Variants in UGT3A2 observed in about 807,000 individuals in gnomAD.
UGT3A2 encodes UDP-glycosyltransferase 3A2.
In UGT3A2, 32 loss-of-function variants were observed where a neutral mutation model predicts 39.8. That is an observed-to-expected ratio of 0.80 (90% confidence interval 0.61 to 1.08). The LOEUF is 1.08. Among genes scored for constraint, UGT3A2 ranks in the 50% least tolerant of loss-of-function variants. The pLI is 0.00. For missense variants in UGT3A2, 611 were observed against 637.1 expected, an observed-to-expected ratio of 0.96 and a Z score of 0.44; for synonymous variants, 241 against 230.7, an observed-to-expected ratio of 1.04 and a Z score of -0.40.
chr5:36,038,463 G>A (rs1741901903), intron 5 of UGT3A2, among the ~76,000 whole-genome samples: 1 of 151,978 alleles, frequency 6.6e-6, no homozygotes. Context: ...TGACATATTT[G>A]TTGACATCAC....
At chr5:36,056,332 G>T (rs1742510932) in intron 2 of UGT3A2, among the ~76,000 whole-genome samples, 1 of 152,204 alleles carries the variant, frequency 6.6e-6, no homozygotes, top group African/African-American at 2.4e-5. Flanking sequence ...TTTCTCCAGG[G>T]TATAAAACCC....
chr5:36,050,723 A>G (rs1168096422), intron 3 of UGT3A2, among the ~76,000 whole-genome samples: 3 of 152,220 alleles, frequency 2.0e-5, no homozygotes, highest in East Asian at 1.9e-4. Flanking sequence ...TTAGCTGGGC[A>G]TGGTGGCACA....
intron 4 of UGT3A2, among the ~76,000 whole-genome samples, chr5:36,042,184 A>G (rs1281812253): frequency 1.3e-5 from 2 of 152,094 alleles, no homozygotes; most frequent in Non-Finnish European, 2.9e-5. Context: ...GTGAGCTTCG[A>G]CAATATAATA....
At chr5:36,064,642 C>T (rs1350837482) in intron 1 of UGT3A2, among the ~76,000 whole-genome samples, 1 of 152,178 alleles carries the variant, frequency 6.6e-6, no homozygotes, top group African/African-American at 2.4e-5. Context: ...GGGAGTTCCT[C>T]ATCCTGAGGT....
chr5:36,041,123 C>A (rs62354166), intron 4 of UGT3A2, among the ~76,000 whole-genome samples: 28,771 of 151,702 alleles, frequency 0.19, 3,429 homozygotes, highest in Non-Finnish European at 0.25. Context: ...CAAAAGCCCT[C>A]GGGCCTAAAA....
chr5:36,038,011 G>C lies in UGT3A2; in HGVS notation c.1081C>G (p.Pro361Ala), dbSNP rs761947299. Residue 361 changes from proline (P) to alanine (A), a missense_variant, in exon 6 of 7, where the codon CCA becomes GCA. Coordinates refer to ENST00000282507, the MANE Select transcript of UGT3A2 (RefSeq NM_174914.4). ...TGGGTGACAAACAGACGGATGCTTG[G>C]GTGAGCTGTTGTAAATAAGAAAGAG... is the stretch of plus-strand genomic sequence containing the variant. ...WLPQSDLLAH[P>A]SIRLFVTHGG... The C allele has an allele frequency of 6.9e-6, 11 of 1,591,602 alleles. No individual in the cohort carries two copies. Among genetic ancestry groups the C allele is most frequent in the Admixed American group, 1.8e-5 (1 of 54,538 alleles).
At chr5:36,052,123 GTTTA>G (rs1581009875) in intron 2 of UGT3A2, 139 bp from the exon 3 acceptor site, 11 of 610,128 alleles carry the variant, frequency 1.8e-5, no homozygotes, top group South Asian at 6.9e-5. Flanking sequence ...TAATGTATGC[GTTTA>G]TTTATTTTTG....
chr5:36,037,160 G>A (rs1317336999), intron 6 of UGT3A2, among the ~76,000 whole-genome samples: 1 of 152,168 alleles, frequency 6.6e-6, no homozygotes, highest in African/African-American at 2.4e-5. Flanking sequence ...CAGCTACTCG[G>A]GAGGCTGAAT....
At chr5:36,042,093 G>T (rs1311809143) in intron 4 of UGT3A2, among the ~76,000 whole-genome samples, 1 of 151,976 alleles carries the variant, frequency 6.6e-6, no homozygotes, top group African/African-American at 2.4e-5. Context: ...AGAAATTCTG[G>T]AGTTGAAAAT....
At position 36,066,527 on chromosome 5, in the gene UGT3A2, G is replaced by T. The variant is rs549318137; in HGVS notation, c.94+169C>A. Among the ~76,000 whole-genome samples the T allele has an allele frequency of 2.0e-5, 3 of 152,268 alleles. No homozygotes were observed. In the South Asian group the frequency reaches 6.2e-4, roughly 32 times the overall value. On this transcript the variant is annotated intron_variant, in intron 1 of 6. Transcript: ENST00000282507. The stretch of plus-strand genomic sequence containing the variant: ...TTTCTTCCCCACCTCAGCAATAGAG[G>T]CCCCTCTCTGCCCCACAGCTGAATG...
In UGT3A2 at chr5:36,049,173, A is replaced by G; in HGVS notation, c.559T>C (p.Phe187Leu). ...LPIPLSYVPV[F>L]RSLLTDHMDF... ...ATGTGATCAGTCAGCAAGGAACGGA[A>G]TACTGGAACATAAGACAAGGGGATT... Residue 187 changes from phenylalanine (F) to leucine (L), a missense_variant, in exon 4 of 7, where the codon TTC becomes CTC. By Grantham distance (22) the Phe-to-Leu change is conservative (BLOSUM62 0). Transcript: ENST00000282507. The G allele has an allele frequency of 6.2e-7, 1 of 1,614,226 alleles. No individual in the cohort carries two copies. Among genetic ancestry groups the G allele is most frequent in the Non-Finnish European group, 8.5e-7 (1 of 1,180,042 alleles).
At chr5:36,056,140 G>A (rs543964226) in intron 2 of UGT3A2, among the ~76,000 whole-genome samples, 1 of 152,262 alleles carries the variant, frequency 6.6e-6, no homozygotes, top group East Asian at 1.9e-4. Flanking sequence ...AGTTCTCAGG[G>A]TGGCCTTGGG....
chr5:36,047,891 G>A (rs190452408), intron 4 of UGT3A2, among the ~76,000 whole-genome samples: 11 of 152,226 alleles, frequency 7.2e-5, no homozygotes, highest in African/African-American at 1.4e-4. Context: ...ACATCTCCAC[G>A]TATTGGGACC....
At chr5:36,056,477 G>C (rs1287263) in intron 2 of UGT3A2, among the ~76,000 whole-genome samples, 110,200 of 152,122 alleles carry the variant, frequency 0.72, 40,798 homozygotes, top group Non-Finnish European at 0.8. Flanking sequence ...TGGTTGCTGC[G>C]CACGTGCAAG....
chr5:36,064,892 A>C (rs1742831246), intron 1 of UGT3A2, among the ~76,000 whole-genome samples: 1 of 152,212 alleles, frequency 6.6e-6, no homozygotes, highest in South Asian at 2.1e-4. Flanking sequence ...ACTACTTAGA[A>C]TCCAAATCCT....
At chr5:36,042,581 C>G (rs1742044504) in intron 4 of UGT3A2, among the ~76,000 whole-genome samples, 1 of 151,916 alleles carries the variant, frequency 6.6e-6, no homozygotes, top group Non-Finnish European at 1.5e-5. Context: ...ACTCTCCAAT[C>G]AAAACAGAAA....
intron 6 of UGT3A2, among the ~76,000 whole-genome samples, chr5:36,036,512 C>T (rs564441033): frequency 1.6e-4 from 24 of 152,324 alleles, no homozygotes; most frequent in Middle Eastern, 3.4e-3. Context: ...TTTTATTTTA[C>T]ACCAGGTCCT....
chr5:36,058,996 G>T (rs1561496988), intron 2 of UGT3A2, among the ~76,000 whole-genome samples: 1 of 152,110 alleles, frequency 6.6e-6, no homozygotes, highest in Non-Finnish European at 1.5e-5. Context: ...GGGATAAATA[G>T]AAATAAATAG....
intron 2 of UGT3A2, among the ~76,000 whole-genome samples, chr5:36,057,533 CTCTCT>C (rs1561496357): frequency 1.3e-5 from 2 of 149,044 alleles, no homozygotes; most frequent in African/African-American, 2.5e-5. Flanking sequence ...CTCTCTCTCT[CTCTCT>C]TTTTTTTTTT....
Sources: allele counts gnomAD v4.1 joint callset (sites outside exome capture counted in the v4.1 genomes callset), GRCh38; gene constraint gnomAD v4.1.1; transcripts MANE v1.5; gene names NCBI Gene and HGNC (gene_info 2026-07-23, HGNC 2026-07-21).